NLGN4X: variants seen among roughly 807,000 people sequenced by gnomAD.
NLGN4X encodes neuroligin-4, X-linked.
A neutral mutation model predicts 40.3 loss-of-function variants in NLGN4X; 3 were observed. That is an observed-to-expected ratio of 0.07 (90% CI 0.03 to 0.19). The LOEUF (loss-of-function observed/expected upper bound fraction) is 0.19. Ranked by LOEUF, NLGN4X falls within the 10% of genes least tolerant of loss-of-function variation. The pLI, the probability that NLGN4X is intolerant of heterozygous loss-of-function variation, is 1.00. For synonymous variants in NLGN4X, 270 were observed against 306.8 expected (o/e 0.88, Z 1.25); for missense variants, 382 against 708.3 (o/e 0.54, Z 5.23).
chrX:5,973,050 A>G (rs1246762119), intron 3 of NLGN4X, among the ~76,000 whole-genome samples: 1 of 112,739 alleles, frequency 8.9e-6, no homozygotes, highest in East Asian at 2.8e-4. Context: ...AAACTGCATT[A>G]TGCAAAATGA....
At chrX:5,996,584 A>G (rs1197927339) in intron 3 of NLGN4X, among the ~76,000 whole-genome samples, 1 of 99,966 alleles carries the variant, frequency 1.0e-5, no homozygotes, top group African/African-American at 3.7e-5. Context: ...AGAAATAACA[A>G]TCCTCACCCT....
intron 2 of NLGN4X, among the ~76,000 whole-genome samples, chrX:6,050,599 A>G (rs2037460782): frequency 1.1e-5 from 1 of 88,400 alleles, no homozygotes; most frequent in Admixed American, 1.2e-4. Context: ...TCATTTATCT[A>G]TCCATCTCTA....
At chrX:6,049,253 AGGGGAG>A (rs2037413353) in intron 2 of NLGN4X, among the ~76,000 whole-genome samples, 1 of 4,634 alleles carries the variant, frequency 2.2e-4, no homozygotes, top group African/African-American at 4.7e-4. Context: ...AGGGGAGGGG[AGGGGAG>A]GGGAGGGGAG....
chrX:5,907,435 G>A (rs1445178538), intron 4 of NLGN4X, among the ~76,000 whole-genome samples: 2 of 111,687 alleles, frequency 1.8e-5, no homozygotes, highest in East Asian at 2.8e-4. Flanking sequence ...AAAGCCTCAG[G>A]CACTCCAGCA....
chrX:6,162,899 C>T (rs183009296), intron 1 of NLGN4X, among the ~76,000 whole-genome samples: 55 of 111,833 alleles, frequency 4.9e-4, no homozygotes, highest in African/African-American at 1.7e-3. Flanking sequence ...TTGACTGTGT[C>T]CCCACACAAA....
At chrX:6,067,014 T>C (rs1033226351) in intron 2 of NLGN4X, among the ~76,000 whole-genome samples, 2 of 109,915 alleles carry the variant, frequency 1.8e-5, no homozygotes, top group African/African-American at 6.6e-5. Context: ...GAGGCTGAGG[T>C]GAGAGGGTCA....
intron 3 of NLGN4X, among the ~76,000 whole-genome samples, chrX:5,997,357 T>A (rs1238723795): frequency 2.8e-5 from 3 of 106,017 alleles, no homozygotes; most frequent in African/African-American, 1.0e-4. Flanking sequence ...CTCCAATGAA[T>A]CAAAGGGATT....
At chrX:6,014,188 G>GAA (rs140452629) in intron 3 of NLGN4X, among the ~76,000 whole-genome samples, 1 of 88,092 alleles carries the variant, frequency 1.1e-5, no homozygotes, top group Non-Finnish European at 2.3e-5. Context: ...CTCAGAGAGA[G>GAA]AAAAAAAAAA....
At chrX:6,081,620 T>C (rs1430878892) in intron 2 of NLGN4X, among the ~76,000 whole-genome samples, 1 of 111,563 alleles carries the variant, frequency 9.0e-6, no homozygotes, top group Admixed American at 9.5e-5. Flanking sequence ...GTGATATTTG[T>C]TTGGAAAGGG....
intron 5 of NLGN4X, among the ~76,000 whole-genome samples, chrX:5,900,740 A>C (rs1431772714): frequency 1.9e-5 from 2 of 107,368 alleles, no homozygotes; most frequent in Non-Finnish European, 3.8e-5. Flanking sequence ...TGCACAGCTA[A>C]ATTTTTTCAT....
chrX:6,221,224 A>G (rs1166706162), intron 1 of NLGN4X, among the ~76,000 whole-genome samples: 1 of 106,051 alleles, frequency 9.4e-6, no homozygotes, highest in Non-Finnish European at 1.9e-5. Context: ...AACCACAGGT[A>G]CTTGCCATCA....
At chrX:6,210,769 C>A (rs1924532788) in intron 1 of NLGN4X, among the ~76,000 whole-genome samples, 1 of 112,320 alleles carries the variant, frequency 8.9e-6, no homozygotes, top group East Asian at 2.8e-4. Flanking sequence ...GAAGCTATAT[C>A]AATTAAAAGA....
At chrX:5,966,020 T>C (rs1396731016) in intron 3 of NLGN4X, among the ~76,000 whole-genome samples, 2 of 111,838 alleles carry the variant, frequency 1.8e-5, no homozygotes, top group Non-Finnish European at 3.8e-5. Context: ...GGGAAACATG[T>C]CACAGTATAA....
At chrX:6,099,180 T>C (rs1481630593) in intron 2 of NLGN4X, among the ~76,000 whole-genome samples, 3 of 112,092 alleles carry the variant, frequency 2.7e-5, no homozygotes, top group Non-Finnish European at 1.9e-5. Flanking sequence ...CCGTATTCAA[T>C]GTCTAAAGTC....
chrX:6,042,349 T>C (rs1327818331), intron 2 of NLGN4X, among the ~76,000 whole-genome samples: 6 of 110,344 alleles, frequency 5.4e-5, no homozygotes, highest in Non-Finnish European at 1.1e-4. Context: ...TCCTAGAGCA[T>C]TGTCTAACTT....
At chrX:6,156,002 C>T (rs1024015600) in intron 1 of NLGN4X, among the ~76,000 whole-genome samples, 2 of 112,182 alleles carry the variant, frequency 1.8e-5, no homozygotes, top group Non-Finnish European at 3.8e-5. Context: ...TCTCAAGGAA[C>T]TTAAAAGAGG....
chrX:5,925,932 A>G (rs1431807628), intron 3 of NLGN4X, among the ~76,000 whole-genome samples: 3 of 59,596 alleles, frequency 5.0e-5, no homozygotes, highest in African/African-American at 1.8e-4. Context: ...ATATATATAT[A>G]AACCTGCGAA....
At chrX:5,965,098 C>A (rs1329440059) in intron 3 of NLGN4X, among the ~76,000 whole-genome samples, 2 of 111,621 alleles carry the variant, frequency 1.8e-5, no homozygotes, top group African/African-American at 6.5e-5. Flanking sequence ...AAAAGCTGGG[C>A]ATTCAGAGAA....
rs199577954 is a variant in NLGN4X at position 6,210,274 on chromosome X, GTA to G, written c.-306+18265_-306+18266del. Among the ~76,000 whole-genome samples the G allele has an allele frequency of 9.0e-3, 651 of 72,139 alleles. 3 individuals are homozygous for G. Among genetic ancestry groups the G allele is most frequent in the Admixed American group, 0.032 (209 of 6,633 alleles). The allele number at this position is 72,139 out of a possible 115,157, so 62.6% of individuals were successfully genotyped here. ...TGTGTGTGTGTGTGTGTGTGTGTGT[GTA>G]TGTATGTAATGGTGCAACAAAAGCT... On this transcript the variant is annotated intron_variant, in intron 1 of 5. Transcript: ENST00000381095.
Sources: allele counts gnomAD v4.1 joint callset (sites outside exome capture counted in the v4.1 genomes callset), GRCh38; gene constraint gnomAD v4.1.1; transcripts MANE v1.5; gene names NCBI Gene and HGNC (gene_info 2026-07-23, HGNC 2026-07-21).